SAMD5: variants seen among roughly 807,000 people sequenced by gnomAD.
SAMD5 encodes sterile alpha motif domain-containing protein 5.
SAMD5 carries 13 observed loss-of-function variants against 11.3 expected under a neutral mutation model. That is an observed-to-expected ratio of 1.15 (90% CI 0.75 to 1.83). The LOEUF is 1.83. Ranked by LOEUF, SAMD5 falls within the 40% of genes most tolerant of loss-of-function variation. The pLI is 0.00. For missense variants in SAMD5, 255 were observed against 239.1 expected (o/e 1.07, Z -0.44); for synonymous variants, 129 against 111.3 (o/e 1.16, Z -1.00).
At chr6:147,580,837 C>T (rs141526530) in intron 1 of SAMD5, among the ~76,000 whole-genome samples, 2 of 150,556 alleles carry the variant, frequency 1.3e-5, no homozygotes, top group African/African-American at 4.9e-5. Flanking sequence ...TTAATTCTCA[C>T]GTAGTTCTAG....
At chr6:147,721,288 T>G (rs1423329403) in intron 1 of SAMD5, among the ~76,000 whole-genome samples, 5 of 150,518 alleles carry the variant, frequency 3.3e-5, no homozygotes, top group Non-Finnish European at 5.9e-5. Flanking sequence ...ACTTCCACAA[T>G]GGTTGAACTA....
intron 1 of SAMD5, among the ~76,000 whole-genome samples, chr6:147,689,625 A>G (rs1239867121): frequency 6.6e-6 from 1 of 152,228 alleles, no homozygotes; most frequent in African/African-American, 2.4e-5. Flanking sequence ...AAGTGCATCT[A>G]TATGTTAACT....
chr6:147,920,238 G>A, the SAMD5 span, among the ~76,000 whole-genome samples: 5 of 152,184 alleles, frequency 3.3e-5, no homozygotes, highest in East Asian at 9.6e-4. Context: ...GAATAAAGCA[G>A]GCAGAAGAGC....
At chr6:147,579,869 C>T (rs953451280) in intron 1 of SAMD5, among the ~76,000 whole-genome samples, 2 of 152,116 alleles carry the variant, frequency 1.3e-5, no homozygotes, top group African/African-American at 4.8e-5. Context: ...TTTCATGCAA[C>T]AAATATGTGT....
intron 1 of SAMD5, among the ~76,000 whole-genome samples, chr6:147,554,671 T>C (rs939800878): frequency 1.1e-4 from 17 of 152,114 alleles, no homozygotes; most frequent in Non-Finnish European, 2.1e-4. Flanking sequence ...GGCAGGAAGG[T>C]TCCAGACTTC....
chr6:147,714,146 C>A (rs1189382177), intron 1 of SAMD5, among the ~76,000 whole-genome samples: 2 of 152,202 alleles, frequency 1.3e-5, no homozygotes, highest in Admixed American at 1.3e-4. Context: ...TAAATAGGCC[C>A]CCTCCCACCT....
intron 1 of SAMD5, among the ~76,000 whole-genome samples, chr6:147,513,578 G>A (rs1398885821): frequency 6.6e-6 from 1 of 152,196 alleles, no homozygotes; most frequent in Non-Finnish European, 1.5e-5. Flanking sequence ...CTACAGATGA[G>A]CAGTAGAGGG....
chr6:147,934,421 A>G, the SAMD5 span, among the ~76,000 whole-genome samples: 25 of 152,190 alleles, frequency 1.6e-4, no homozygotes, highest in Non-Finnish European at 1.5e-5. Flanking sequence ...GCCATAAGCG[A>G]AAAATCACCA....
chr6:147,798,354 C>T, the SAMD5 span, among the ~76,000 whole-genome samples: 3 of 150,418 alleles, frequency 2.0e-5, no homozygotes, highest in African/African-American at 5.0e-5. Flanking sequence ...GCAGGTTGTT[C>T]AGTTTCCATG....
the SAMD5 span, among the ~76,000 whole-genome samples, chr6:147,934,466 G>T: frequency 6.6e-6 from 1 of 152,124 alleles, no homozygotes; most frequent in Admixed American, 6.6e-5. Context: ...TCAGGTGTGT[G>T]TGTGTCAGGT....
At chr6:147,949,340 T>C in the SAMD5 span, among the ~76,000 whole-genome samples, 1 of 152,202 alleles carries the variant, frequency 6.6e-6, no homozygotes, top group African/African-American at 2.4e-5. Context: ...ACCGCAGTAA[T>C]ATAAATGGTT....
chr6:147,689,785 T>A (rs1356343731), intron 1 of SAMD5, among the ~76,000 whole-genome samples: 1 of 152,206 alleles, frequency 6.6e-6, no homozygotes, highest in Non-Finnish European at 1.5e-5. Flanking sequence ...CACTCTTTGT[T>A]GAAATTTAAC....
chr6:147,882,571 C>A, the SAMD5 span, among the ~76,000 whole-genome samples: 1 of 152,190 alleles, frequency 6.6e-6, no homozygotes, highest in African/African-American at 2.4e-5. Context: ...ACCTGGGCAA[C>A]ATAGCAAGAC....
Position 147,568,085 on chromosome 6 carries a change from A to G in SAMD5, c.*3629A>G, listed in dbSNP as rs1285362697. The G allele has an allele frequency of 4.1e-6, 4 of 985,238 alleles. No homozygotes were observed. The highest frequency in any genetic ancestry group is 6.2e-5 in the Admixed American group (1 of 16,254). The allele number at this position is 985,238 out of a possible 1,614,324, so 61.0% of individuals were successfully genotyped here. The stretch of plus-strand genomic sequence containing the variant: ...TTTGAGGTACAAATGAGTGAGTGAC[A>G]TATGTATATTTTCCTCTGATTTTAT... On this transcript the variant is annotated 3_prime_UTR_variant, in exon 2 of 2. Transcript: ENST00000367474.
the SAMD5 span, among the ~76,000 whole-genome samples, chr6:147,801,093 C>T: frequency 1.3e-5 from 2 of 152,122 alleles, no homozygotes; most frequent in Admixed American, 6.6e-5. Context: ...TCTCCACATA[C>T]GGTGCTCCTT....
intron 1 of SAMD5, among the ~76,000 whole-genome samples, chr6:147,620,897 C>T (rs1789949489): frequency 6.6e-6 from 1 of 151,998 alleles, no homozygotes; most frequent in African/African-American, 2.4e-5. Context: ...GAAGAAAGAA[C>T]CGTGGCTCTT....
chr6:147,692,330 G>A (rs770595991), intron 1 of SAMD5: 5 of 152,068 alleles, frequency 3.3e-5, no homozygotes, highest in Admixed American at 6.6e-5. Flanking sequence ...TCTAATCCTG[G>A]TCTTGATACA....
chr6:147,812,920 G>A, the SAMD5 span, among the ~76,000 whole-genome samples: 2 of 152,224 alleles, frequency 1.3e-5, no homozygotes, highest in Admixed American at 6.5e-5. Flanking sequence ...GTCAATATTG[G>A]CCTCTCATTA....
At chr6:147,520,231 C>T (rs1439631447) in intron 1 of SAMD5, among the ~76,000 whole-genome samples, 1 of 151,594 alleles carries the variant, frequency 6.6e-6, no homozygotes, top group African/African-American at 2.4e-5. Flanking sequence ...GATTCTCCTG[C>T]CTTAGCCTCC....
Sources: gnomAD v4.1 joint callset for allele counts (sites outside exome capture counted in the v4.1 genomes callset) on GRCh38, gnomAD v4.1.1 for gene constraint, MANE v1.5 for transcripts, NCBI Gene and HGNC (gene_info 2026-07-23, HGNC 2026-07-21) for gene names.